Variants in ADAMTS17 observed in about 807,000 individuals in gnomAD.
ADAMTS17 encodes the protein ADAM metallopeptidase with thrombospondin type 1 motif 17, also known as A disintegrin and metalloproteinase with thrombospondin motifs 17.
ADAMTS17 carries 113 observed loss-of-function variants against 141.5 expected under a neutral mutation model. The ratio of observed to expected loss-of-function variants is 0.80; its 90% CI spans 0.69 to 0.93. The LOEUF (loss-of-function observed/expected upper bound fraction) is 0.93. Among genes scored for constraint, ADAMTS17 ranks in the 40% least tolerant of loss-of-function variants. The probability of loss-of-function intolerance (pLI) is 0.00; values close to 1 mark genes in which losing one functional copy is unlikely to be tolerated. For missense variants in ADAMTS17, 1,659 were observed against 1,517.9 expected, an observed-to-expected ratio of 1.09 and a Z score of -1.54; for synonymous variants, 768 against 630.6, an observed-to-expected ratio of 1.22 and a Z score of -3.27.
chr15:100,135,644 A>T (rs1276615678), intron 10 of ADAMTS17, among the ~76,000 whole-genome samples: 1 of 152,192 alleles, frequency 6.6e-6, no homozygotes, highest in Non-Finnish European at 1.5e-5. Context: ...TATTTGCAAT[A>T]CATAAGAGAT....
intron 18 of ADAMTS17, among the ~76,000 whole-genome samples, chr15:100,016,075 T>C (rs1335341629): frequency 6.6e-6 from 1 of 152,246 alleles, no homozygotes; most frequent in East Asian, 1.9e-4. Flanking sequence ...CTCATTCTTG[T>C]CTTTGTTGGA....
At chr15:100,021,761 A>G (rs1030749595) in intron 18 of ADAMTS17, among the ~76,000 whole-genome samples, 12 of 152,222 alleles carry the variant, frequency 7.9e-5, no homozygotes, top group African/African-American at 2.9e-4. Context: ...GGTAAGGGGA[A>G]CAAGCCTTGT....
chr15:99,977,857 C>G (rs765615511), intron 20 of ADAMTS17, among the ~76,000 whole-genome samples: 8 of 152,158 alleles, frequency 5.3e-5, no homozygotes, highest in Non-Finnish European at 7.3e-5. Context: ...TTACATTGGC[C>G]TCTTCCCAGG....
intron 12 of ADAMTS17, among the ~76,000 whole-genome samples, chr15:100,122,491 G>A (rs925932848): frequency 2.6e-5 from 4 of 152,056 alleles, no homozygotes; most frequent in South Asian, 2.1e-4. Flanking sequence ...ACATCAATGC[G>A]GGCCTCCTGC....
chr15:100,331,947 T>A (rs957844464), intron 2 of ADAMTS17, among the ~76,000 whole-genome samples: 8 of 150,986 alleles, frequency 5.3e-5, no homozygotes, highest in African/African-American at 2.0e-4. Context: ...CAGTCTCAAG[T>A]ATAAAACTCA....
chr15:99,991,701 C>T (rs528482676), intron 20 of ADAMTS17, among the ~76,000 whole-genome samples: 59 of 152,214 alleles, frequency 3.9e-4, no homozygotes, highest in Non-Finnish European at 3.5e-4. Context: ...TAAACCATTC[C>T]ACTATAAAGA....
At chr15:100,089,544 G>A (rs1383330253) in intron 15 of ADAMTS17, among the ~76,000 whole-genome samples, 2 of 151,438 alleles carry the variant, frequency 1.3e-5, no homozygotes, top group Non-Finnish European at 2.9e-5. Flanking sequence ...TATGTTTATT[G>A]TGGCACTATT....
chr15:100,199,462 G>A, intron 7 of ADAMTS17, 39 bp from the exon 8 acceptor site: 2 of 1,572,778 alleles, frequency 1.3e-6, no homozygotes, highest in East Asian at 2.2e-5. Flanking sequence ...TTCAGAACGT[G>A]GGAGGCCCTG....
At chr15:100,035,025 C>T (rs1368211230) in intron 18 of ADAMTS17, among the ~76,000 whole-genome samples, 2 of 152,198 alleles carry the variant, frequency 1.3e-5, no homozygotes, top group Admixed American at 6.5e-5. Context: ...AATGCCCCAT[C>T]ACCCCGGGGA....
chr15:100,136,156 C>T (rs963201262), intron 10 of ADAMTS17, among the ~76,000 whole-genome samples: 2 of 152,212 alleles, frequency 1.3e-5, no homozygotes, highest in Non-Finnish European at 2.9e-5. Context: ...GCATTAGTTC[C>T]ATGTTGGAAA....
At chr15:100,298,371 G>A (rs1051047000) in intron 3 of ADAMTS17, among the ~76,000 whole-genome samples, 2 of 152,142 alleles carry the variant, frequency 1.3e-5, no homozygotes, top group African/African-American at 4.8e-5. Flanking sequence ...CATACCAACT[G>A]GGAAAGGACA....
At chr15:100,309,520 C>T (rs768326158) in intron 3 of ADAMTS17, among the ~76,000 whole-genome samples, 4 of 152,216 alleles carry the variant, frequency 2.6e-5, no homozygotes, top group African/African-American at 4.8e-5. Flanking sequence ...CAGTCTGGTG[C>T]CTGTCTCACC....
At chr15:100,250,706 C>A (rs1331952187) in intron 7 of ADAMTS17, among the ~76,000 whole-genome samples, 1 of 152,138 alleles carries the variant, frequency 6.6e-6, no homozygotes, top group Non-Finnish European at 1.5e-5. Flanking sequence ...TGAGTGCATG[C>A]AGAAACCAGT....
intron 8 of ADAMTS17, among the ~76,000 whole-genome samples, chr15:100,190,821 G>A (rs1186359028): frequency 6.6e-6 from 1 of 152,336 alleles, no homozygotes; most frequent in African/African-American, 2.4e-5. Context: ...TCAAGTAAAG[G>A]TGAAGTGAGT....
At chr15:100,101,741 T>G (rs2036114793) in intron 14 of ADAMTS17, among the ~76,000 whole-genome samples, 1 of 152,238 alleles carries the variant, frequency 6.6e-6, no homozygotes, top group Non-Finnish European at 1.5e-5. Flanking sequence ...ATATTTGAAT[T>G]GGGACTTCCT....
At chr15:100,078,585 T>G (rs1262090176) in intron 15 of ADAMTS17, among the ~76,000 whole-genome samples, 1 of 152,176 alleles carries the variant, frequency 6.6e-6, no homozygotes, top group East Asian at 1.9e-4. Flanking sequence ...GGATCACAGA[T>G]GTAAATATCA....
At position 99,976,009 on chromosome 15, in the gene ADAMTS17, A is replaced by G. The variant is rs184325308; in HGVS notation, c.3127+36T>C. ...GGACTTACTGGGCAGGAGACACAGC[A>G]GCCCCCTGGGAACCGGGGCCAGTGA... On this transcript the variant is annotated intron_variant, in intron 21 of 21. Coordinates refer to ENST00000268070, the MANE Select transcript of ADAMTS17 (RefSeq NM_139057.4). The G allele has an allele frequency of 5.9e-6, 9 of 1,536,342 alleles. No homozygotes were observed. The East Asian group carries it at 9.8e-5, about 17-fold the overall frequency.
At chr15:100,025,686 T>A (rs1401240332) in intron 18 of ADAMTS17, among the ~76,000 whole-genome samples, 2 of 152,304 alleles carry the variant, frequency 1.3e-5, no homozygotes, top group East Asian at 3.9e-4. Context: ...AGTGCTGGGA[T>A]TACAGGCGTG....
chr15:100,220,525 T>A (rs1225866042), intron 7 of ADAMTS17, among the ~76,000 whole-genome samples: 1 of 152,216 alleles, frequency 6.6e-6, no homozygotes, highest in African/African-American at 2.4e-5. Flanking sequence ...AGGATATAAT[T>A]CACACACCAT....
Sources: allele counts gnomAD v4.1 joint callset (sites outside exome capture counted in the v4.1 genomes callset), GRCh38; gene constraint gnomAD v4.1.1; transcripts MANE v1.5; gene names NCBI Gene and HGNC (gene_info 2026-07-23, HGNC 2026-07-21).